The following SNRK variants were observed in gnomAD, a reference collection of about 807,000 sequenced individuals.
SNRK encodes the protein SNF-related serine/threonine-protein kinase.
In SNRK, 3 loss-of-function variants were observed where a neutral mutation model predicts 48.2. That is an observed-to-expected ratio of 0.06 (90% CI 0.03 to 0.16). The LOEUF (loss-of-function observed/expected upper bound fraction) is 0.16, where lower values mean the gene tolerates loss of function less well. Among genes scored for constraint, SNRK ranks in the 10% least tolerant of loss-of-function variants. The pLI is 1.00. For synonymous variants in SNRK, 376 were observed against 366.1 expected (o/e 1.03, Z -0.31); for missense variants, 627 against 976.0 (o/e 0.64, Z 4.76).
At chr3:43,335,047 C>T (rs1391400218) in intron 4 of SNRK, among the ~76,000 whole-genome samples, 1 of 151,776 alleles carries the variant, frequency 6.6e-6, no homozygotes, top group Non-Finnish European at 1.5e-5. Flanking sequence ...CTAAGAACTA[C>T]CTTTTGCTTT....
chr3:43,344,809 A>G (rs1300309972), intron 6 of SNRK, among the ~76,000 whole-genome samples: 1 of 152,146 alleles, frequency 6.6e-6, no homozygotes, highest in Non-Finnish European at 1.5e-5. Flanking sequence ...CTCCCTGGCA[A>G]GAAAGAGTAA....
Position 43,299,766 on chromosome 3 carries a change from A to G in SNRK, c.-156A>G, listed in dbSNP as rs2090885109. On this transcript the variant is annotated 5_prime_UTR_variant, in exon 2 of 7. Coordinates refer to ENST00000296088, the MANE Select transcript of SNRK (RefSeq NM_017719.5). ...TATTTTCTTTTAGGAAAAAGAAGCA[A>G]CTAACAAAACACTGTGATAATAAGG... 6.5e-6 allele frequency: 1 copy of G among 152,688 alleles called. No individual in the cohort carries two copies. The highest frequency in any genetic ancestry group is 6.5e-5 in the Admixed American group (1 of 15,282). 9.5% of individuals were successfully genotyped at this position (152,688 alleles called of 1,614,324 possible). A position where few individuals can be genotyped will look rare whatever the true frequency, so the allele number is the denominator to read the frequency against.
At chr3:43,308,369 TC>T (rs895898618) in intron 3 of SNRK, among the ~76,000 whole-genome samples, 1 of 152,210 alleles carries the variant, frequency 6.6e-6, no homozygotes, top group African/African-American at 2.4e-5. Context: ...TGTAGGACTT[TC>T]ATAGCTAGAG....
rs1423358137 is a variant in SNRK at position 43,347,993 on chromosome 3, G to A, written c.1734G>A (p.Gly578=). The part of the protein sequence containing the change: ...DSSEGPPGSE[G]DGGGQSKPSN... ...GCGAGGGGCCCCCTGGCAGTGAGGG[G>A]GATGGCGGGGGCCAGAGCAAGCCAA... is the stretch of plus-strand genomic sequence containing the variant. Residue 578 remains glycine (G), a synonymous_variant, in exon 7 of 7, where the codon GGG becomes GGA. Transcript: ENST00000296088. This position sits in a 1 kb window ranked among gnomAD's most constrained non-coding sequence, Gnocchi z 5.4. The A allele has an allele frequency of 2.6e-5, 42 of 1,613,696 alleles. No homozygotes were observed. The highest frequency in any genetic ancestry group is 3.6e-5 in the Non-Finnish European group (42 of 1,179,840).
chr3:43,293,430 A>G (rs992305807), intron 1 of SNRK, among the ~76,000 whole-genome samples: 2 of 152,200 alleles, frequency 1.3e-5, no homozygotes, highest in Non-Finnish European at 2.9e-5. Context: ...GGAATGAATA[A>G]TTATGTACAG....
chr3:43,298,287 G>A (rs2090872094), intron 1 of SNRK, among the ~76,000 whole-genome samples: 1 of 152,140 alleles, frequency 6.6e-6, no homozygotes, highest in Admixed American at 6.5e-5. Context: ...ACTTATTACT[G>A]TACTACCGCA....
rs143775916 is a variant in SNRK at position 43,332,576 on chromosome 3, A to G, written c.731+266A>G. The G allele has an allele frequency of 2.8e-3, 660 of 239,600 alleles. 3 individuals carry two copies. Among genetic ancestry groups the G allele is most frequent in the African/African-American group, 0.014 (617 of 44,882 alleles). 14.8% of individuals were successfully genotyped at this position (239,600 alleles called of 1,614,324 possible). On this transcript the variant is annotated intron_variant, in intron 4 of 6. Coordinates refer to ENST00000296088, the MANE Select transcript of SNRK (RefSeq NM_017719.5). ...ATTTCTTATTCAAGAAATCTATTACATGCCTCTTCAACCTTCAGGAGTGGT... is the reference window on the plus strand; with the variant it reads ...ATTTCTTATTCAAGAAATCTATTACGTGCCTCTTCAACCTTCAGGAGTGGT...
At chr3:43,336,871 G>T (rs1357771300) in intron 4 of SNRK, among the ~76,000 whole-genome samples, 1 of 151,844 alleles carries the variant, frequency 6.6e-6, no homozygotes, top group Non-Finnish European at 1.5e-5. Context: ...CCTGCCTCAA[G>T]CCTCCCAAGT....
intron 3 of SNRK, among the ~76,000 whole-genome samples, chr3:43,323,206 T>A (rs1308307549): frequency 6.6e-6 from 1 of 152,110 alleles, no homozygotes; most frequent in South Asian, 2.1e-4. Context: ...TAGACATACA[T>A]GTAAAATGAA....
chr3:43,322,088 C>T (rs1473469271), intron 3 of SNRK, among the ~76,000 whole-genome samples: 1 of 152,218 alleles, frequency 6.6e-6, no homozygotes. Context: ...GAGACTGATG[C>T]CCCCAGGGGC....
In SNRK at chr3:43,304,340, A is replaced by T. The variant is rs144098366; in HGVS notation, c.589+548A>T. On this transcript the variant is annotated intron_variant, in intron 3 of 6. Transcript: ENST00000296088. The stretch of plus-strand genomic sequence containing the variant: ...CCATATTATCTTGTTTACTTTTCAC[A>T]GCGACCCGTGGGGTTGTTATTGTCT... Among the ~76,000 whole-genome samples the T allele has an allele frequency of 1.1e-4, 17 of 152,316 alleles. No individual in the cohort carries two copies. In the East Asian group the frequency reaches 2.9e-3, roughly 26 times the overall value.
chr3:43,341,450 C>T (rs2091237434), intron 5 of SNRK, among the ~76,000 whole-genome samples: 2 of 152,074 alleles, frequency 1.3e-5, no homozygotes, highest in African/African-American at 4.8e-5. Flanking sequence ...TGTGCCCAGC[C>T]CCAAAGCCAG....
intron 3 of SNRK, among the ~76,000 whole-genome samples, chr3:43,326,277 T>C (rs2091095864): frequency 6.6e-6 from 1 of 152,010 alleles, no homozygotes; most frequent in African/African-American, 2.4e-5. Context: ...TAGCTTTGTG[T>C]ATGTGTGTGT....
intron 2 of SNRK, among the ~76,000 whole-genome samples, chr3:43,301,253 C>T (rs1189140112): frequency 6.6e-6 from 1 of 152,104 alleles, no homozygotes; most frequent in Non-Finnish European, 1.5e-5. Flanking sequence ...CAGATCATTT[C>T]TGAAGTGGTA....
At chr3:43,287,648 G>A (rs2090777134) in intron 1 of SNRK, among the ~76,000 whole-genome samples, 1 of 152,186 alleles carries the variant, frequency 6.6e-6, no homozygotes, top group Non-Finnish European at 1.5e-5. Context: ...CAGGTTTTAA[G>A]GTGAAGCATG....
chr3:43,339,066 A>G (rs560904860), intron 4 of SNRK, among the ~76,000 whole-genome samples: 1 of 151,914 alleles, frequency 6.6e-6, no homozygotes, highest in African/African-American at 2.4e-5. Context: ...TATTATTTGG[A>G]GAATTATTTG....
intron 3 of SNRK, among the ~76,000 whole-genome samples, chr3:43,305,280 T>C (rs888140321): frequency 2.6e-5 from 4 of 152,138 alleles, no homozygotes; most frequent in African/African-American, 9.7e-5. Context: ...AGAGTAGCTC[T>C]CACTTATGCA....
Position 43,340,474 on chromosome 3 carries a change from A to G in SNRK, c.919A>G (p.Ile307Val). The change falls in exon 5 of 7, where the codon ATA (isoleucine) becomes GTA (valine). Residue 307 changes from isoleucine to valine, a missense_variant. This residue lies in a region of SNRK where 175 missense variants were observed against 209.7 expected (regional missense o/e 0.83). Transcript: ENST00000296088. ...SIIQRMVLGD[I>V]ADRDAIVEAL... Reference sequence around the variant, plus strand: ...CATTCAGCGCATGGTGCTTGGGGACATAGCGGATCGAGACGCCATTGTAGA... The same window carrying G: ...CATTCAGCGCATGGTGCTTGGGGACGTAGCGGATCGAGACGCCATTGTAGA... 1 of 1,614,202 alleles carries G rather than the reference A, an allele frequency of 6.2e-7. No individual in the cohort carries two copies. The highest frequency in any genetic ancestry group is 8.5e-7 in the Non-Finnish European group (1 of 1,180,032).
rs1358970575 is a variant in SNRK at position 43,349,266 on chromosome 3, A to AC, written c.*710dup. 3 of 152,684 alleles carry AC rather than the reference A, an allele frequency of 2.0e-5. No individual in the cohort carries two copies. 9.5% of individuals were successfully genotyped at this position (152,684 alleles called of 1,614,324 possible). A position where few individuals can be genotyped will look rare whatever the true frequency, so the allele number is the denominator to read the frequency against. The stretch of plus-strand genomic sequence containing the variant: ...GCAGCTTCCCCTGTAGTGATAAATT[A>AC]CAAGCAGACAATCTTATTTTGTAAT... On this transcript the variant is annotated 3_prime_UTR_variant, in exon 7 of 7. Transcript: ENST00000296088.
Sources: gnomAD v4.1 joint callset for allele counts (sites outside exome capture counted in the v4.1 genomes callset) on GRCh38, gnomAD v4.1.1 for gene constraint, gnomAD v4.1.1 regional missense constraint, Gnocchi (gnomAD v3.1) non-coding constraint, MANE v1.5 for transcripts, NCBI Gene and HGNC (gene_info 2026-07-23, HGNC 2026-07-21) for gene names.